Variants in SNX4 observed in about 807,000 individuals in gnomAD.
The protein encoded by SNX4 is sorting nexin 4.
In SNX4, 49 loss-of-function variants were observed where a neutral mutation model predicts 70.8. The ratio of observed to expected loss-of-function variants is 0.69; its 90% confidence interval spans 0.55 to 0.88. The LOEUF is 0.88. SNX4 is among the 40% of genes least tolerant of loss of function. The pLI is 0.00. For synonymous variants in SNX4, 206 were observed against 183.8 expected (o/e 1.12, Z -0.98); for missense variants, 528 against 544.8 (o/e 0.97, Z 0.31).
chr3:125,513,352 T>G (rs1935210116), intron 1 of SNX4, among the ~76,000 whole-genome samples: 1 of 152,250 alleles, frequency 6.6e-6, no homozygotes, highest in Non-Finnish European at 1.5e-5. Flanking sequence ...TCATTGCTAT[T>G]GTTTATAAGC....
Position 125,497,357 on chromosome 3 carries a change from G to GTA in SNX4, c.580_581insTA (p.Thr194IlefsTer6). 1.2e-6 allele frequency: 2 copies of GTA among 1,608,466 alleles called. No homozygotes were observed. The highest frequency in any genetic ancestry group is 1.7e-6 in the Non-Finnish European group (2 of 1,175,726). On this transcript the variant is annotated frameshift_variant, in exon 5 of 14. Coordinates refer to ENST00000251775, the MANE Select transcript of SNX4 (RefSeq NM_003794.4). LOFTEE classifies it high-confidence loss of function. Reference sequence around the variant, plus strand: ...TATTCTTACCTTCAGCTGAAACCCAGTTTCATTCACAGTCTCCTTCCAGTT... The same window carrying GTA: ...TATTCTTACCTTCAGCTGAAACCCAGTATTTCATTCACAGTCTCCTTCCAGTT...
rs763864823 is a variant in SNX4, at chr3:125,469,554, CA to C, written c.789-36del. ...AAAAGATAAAACCAAAAGCAACATG[CA>C]TTAGAGATATGGAATAGTATTAAAT... On this transcript the variant is annotated intron_variant, in intron 8 of 13. Transcript: ENST00000251775. 2.1e-6 allele frequency: 3 copies of C among 1,395,638 alleles called. No individual in the cohort carries two copies. In the South Asian group the frequency reaches 3.5e-5, roughly 16 times the overall value. 86.5% of individuals were successfully genotyped at this position (1,395,638 alleles called of 1,614,324 possible).
chr3:125,517,441 A>C (rs1281193111), intron 1 of SNX4, among the ~76,000 whole-genome samples: 2 of 152,372 alleles, frequency 1.3e-5, no homozygotes, highest in African/African-American at 2.4e-5. Flanking sequence ...TGAGGCCATA[A>C]AAACATTACA....
chr3:125,461,476 G>A (rs955703649), intron 9 of SNX4, among the ~76,000 whole-genome samples: 1 of 152,134 alleles, frequency 6.6e-6, no homozygotes, highest in Non-Finnish European at 1.5e-5. Flanking sequence ...TTGTAAGACT[G>A]TAATATCTTT....
chr3:125,476,462 T>C (rs1371275680), intron 8 of SNX4, among the ~76,000 whole-genome samples: 1 of 151,872 alleles, frequency 6.6e-6, no homozygotes, highest in Non-Finnish European at 1.5e-5. Flanking sequence ...TCCCAGCTAC[T>C]GGGGAGGCTG....
intron 1 of SNX4, among the ~76,000 whole-genome samples, chr3:125,516,490 A>G (rs2107576234): frequency 6.6e-6 from 1 of 152,222 alleles, no homozygotes; most frequent in South Asian, 2.1e-4. Context: ...AGTTTCCACA[A>G]CCTCTTGGGG....
intron 1 of SNX4, among the ~76,000 whole-genome samples, chr3:125,518,645 G>A (rs1464387478): frequency 6.6e-6 from 1 of 152,116 alleles, no homozygotes; most frequent in Non-Finnish European, 1.5e-5. Context: ...AGGCCCAGGT[G>A]GGCATGAGCC....
intron 6 of SNX4, among the ~76,000 whole-genome samples, chr3:125,484,689 C>G (rs1579993521): frequency 6.6e-6 from 1 of 152,188 alleles, no homozygotes; most frequent in East Asian, 1.9e-4. Context: ...TGCTTCTCTC[C>G]AATCTTAAAG....
chr3:125,506,743 T>C (rs971806185), intron 1 of SNX4, among the ~76,000 whole-genome samples: 2 of 133,724 alleles, frequency 1.5e-5, no homozygotes, highest in Non-Finnish European at 3.0e-5. Flanking sequence ...TGAGCCACCA[T>C]GCCTGGATGA....
intron 10 of SNX4, among the ~76,000 whole-genome samples, chr3:125,459,603 A>G (rs1200682598): frequency 6.6e-6 from 1 of 151,948 alleles, no homozygotes; most frequent in Non-Finnish European, 1.5e-5. Context: ...TGCCTGGCTA[A>G]CTTTTTTGTA....
At chr3:125,482,478 C>T (rs115878994) in intron 6 of SNX4, among the ~76,000 whole-genome samples, 304 of 152,232 alleles carry the variant, frequency 2.0e-3, no homozygotes, top group African/African-American at 7.0e-3. Flanking sequence ...TCTGGTCTCT[C>T]TGCCAATGCC....
intron 1 of SNX4, 75 bp downstream of exon 1, chr3:125,519,957 C>T: frequency 8.3e-7 from 1 of 1,200,540 alleles, no homozygotes; most frequent in Non-Finnish European, 1.1e-6. Flanking sequence ...CGGCCCAGCC[C>T]AGCCCAGCCC....
intron 7 of SNX4, among the ~76,000 whole-genome samples, chr3:125,479,437 C>A (rs1285614434): frequency 1.3e-5 from 2 of 152,088 alleles, no homozygotes; most frequent in Admixed American, 6.6e-5. Flanking sequence ...TGCCTGTAAT[C>A]CCAGCTACTC....
At chr3:125,474,267 C>T (rs1164915960) in intron 8 of SNX4, among the ~76,000 whole-genome samples, 1 of 152,172 alleles carries the variant, frequency 6.6e-6, no homozygotes, top group African/African-American at 2.4e-5. Flanking sequence ...TCAACCACCT[C>T]TGGTCTTTCT....
chr3:125,453,477 T>C (rs1242211925), intron 12 of SNX4, among the ~76,000 whole-genome samples: 1 of 151,558 alleles, frequency 6.6e-6, no homozygotes, highest in Non-Finnish European at 1.5e-5. Context: ...TTATTTTTGA[T>C]AATTCAACTT....
intron 5 of SNX4, among the ~76,000 whole-genome samples, chr3:125,495,963 T>C (rs1472779924): frequency 2.0e-5 from 3 of 152,192 alleles, no homozygotes; most frequent in South Asian, 2.1e-4. Context: ...TATAAAGTGA[T>C]GAATTACAGC....
At chr3:125,481,962 T>C (rs1275914675) in intron 6 of SNX4, among the ~76,000 whole-genome samples, 1 of 152,040 alleles carries the variant, frequency 6.6e-6, no homozygotes, top group African/African-American at 2.4e-5. Flanking sequence ...CCTAGCTCAC[T>C]GCAGCCCTTG....
At position 125,476,727 on chromosome 3, in the gene SNX4, A is replaced by G. The variant is rs1179873896; in HGVS notation, c.756T>C (p.Tyr252=). ...ARVADRLYGV[Y]KVHGNYGRVF... ...CTCGACCATAATTCCCATGTACTTT[A>G]TATACACCATAGAGTCGATCTGCTA... is the stretch of plus-strand genomic sequence containing the variant. Residue 252 remains tyrosine (Y), a synonymous_variant, in exon 8 of 14, where the codon TAT becomes TAC. Coordinates refer to ENST00000251775, the MANE Select transcript of SNX4 (RefSeq NM_003794.4). The G allele has an allele frequency of 6.3e-7, 1 of 1,599,854 alleles. No homozygotes were observed. Among genetic ancestry groups the G allele is most frequent in the South Asian group, 1.1e-5 (1 of 89,432 alleles).
chr3:125,502,731 G>A (rs904364677), intron 2 of SNX4, among the ~76,000 whole-genome samples: 3 of 151,132 alleles, frequency 2.0e-5, no homozygotes, highest in African/African-American at 7.3e-5. Flanking sequence ...ACGGGCGCCT[G>A]TAATACCAGC....
Sources: gnomAD v4.1 joint callset for allele counts (sites outside exome capture counted in the v4.1 genomes callset) on GRCh38, gnomAD v4.1.1 for gene constraint, MANE v1.5 for transcripts, NCBI Gene and HGNC (gene_info 2026-07-23, HGNC 2026-07-21) for gene names.